Variants in SEZ6L observed in about 807,000 individuals in gnomAD.
The protein encoded by SEZ6L is seizure 6-like protein.
Under a neutral mutation model 106.2 loss-of-function variants are expected in SEZ6L, and 37 were observed. That is an observed-to-expected ratio of 0.35 (90% CI 0.27 to 0.46). SEZ6L has a LOEUF of 0.46. Among genes scored for constraint, SEZ6L ranks in the 20% least tolerant of loss-of-function variants. The pLI is 1.00. For synonymous variants in SEZ6L, 541 were observed against 570.4 expected (o/e 0.95, Z 0.73); for missense variants, 1,172 against 1,332.8 (o/e 0.88, Z 1.88).
rs550439953 is a variant in SEZ6L, at chr22:26,212,115, C to G, written c.94+42352C>G. ...CAAAGAGGATGGCAGATTTCAGAGG[C>G]CTGGGATGAGAGGGAACACGCAGAG... On this transcript the variant is annotated intron_variant, in intron 1 of 16. Coordinates refer to ENST00000248933, the MANE Select transcript of SEZ6L (RefSeq NM_021115.5). Among the ~76,000 whole-genome samples, 192 of 152,098 alleles carry G rather than the reference C, an allele frequency of 1.3e-3. 1 individual carries two copies. Among genetic ancestry groups the G allele is most frequent in the South Asian group, 2.1e-3 (10 of 4,804 alleles).
At chr22:26,275,671 C>A (rs183547833) in intron 1 of SEZ6L, among the ~76,000 whole-genome samples, 1 of 152,166 alleles carries the variant, frequency 6.6e-6, no homozygotes, top group African/African-American at 2.4e-5. Context: ...TGTAAAATGA[C>A]GGTGCTAGGC....
intron 1 of SEZ6L, among the ~76,000 whole-genome samples, chr22:26,285,744 C>A (rs2080915219): frequency 2.0e-5 from 3 of 152,212 alleles, no homozygotes; most frequent in Admixed American, 6.5e-5. Context: ...AAGTAACTGG[C>A]AGTACAGTTG....
intron 1 of SEZ6L, among the ~76,000 whole-genome samples, chr22:26,178,296 G>A (rs1273377519): frequency 6.6e-6 from 1 of 152,168 alleles, no homozygotes; most frequent in Non-Finnish European, 1.5e-5. Flanking sequence ...CATCTGGCTT[G>A]AGTCAAGCAA....
intron 1 of SEZ6L, among the ~76,000 whole-genome samples, chr22:26,268,826 G>T (rs1233932551): frequency 6.6e-6 from 1 of 152,220 alleles, no homozygotes; most frequent in Admixed American, 6.5e-5. Context: ...ATTACCGTCA[G>T]TTGAGAACCA....
intron 1 of SEZ6L, among the ~76,000 whole-genome samples, chr22:26,268,748 G>C (rs528213770): frequency 2.6e-5 from 4 of 152,284 alleles, no homozygotes; most frequent in African/African-American, 9.6e-5. Context: ...TATACCAGTA[G>C]TACCACTGCC....
intron 5 of SEZ6L, among the ~76,000 whole-genome samples, chr22:26,305,318 A>T (rs1048840443): frequency 6.6e-6 from 1 of 152,190 alleles, no homozygotes; most frequent in Admixed American, 6.5e-5. Flanking sequence ...TATTATAATT[A>T]TCCAGAACCG....
chr22:26,220,639 A>C (rs2145722950), intron 1 of SEZ6L, among the ~76,000 whole-genome samples: 1 of 152,214 alleles, frequency 6.6e-6, no homozygotes. Flanking sequence ...CATCCCTATG[A>C]TGTCACTATA....
rs577333158 is a variant in SEZ6L, at chr22:26,383,308, T to C, written c.*3013T>C. On this transcript the variant is annotated 3_prime_UTR_variant, in exon 17 of 17. Coordinates refer to ENST00000248933, the MANE Select transcript of SEZ6L (RefSeq NM_021115.5). ...ATAACAAGTAGTGATTTGGCAAATA[T>C]GTGGGTAGCTTTAGGCTGAGGCACG... 1.3e-5 allele frequency: 2 copies of C among 152,196 alleles called. No homozygotes were observed. The highest frequency in any genetic ancestry group is 4.8e-5 in the African/African-American group (2 of 41,552). 9.4% of individuals were successfully genotyped at this position (152,196 alleles called of 1,614,324 possible).
intron 15 of SEZ6L, among the ~76,000 whole-genome samples, chr22:26,377,229 T>G (rs2084259231): frequency 6.6e-6 from 1 of 152,172 alleles, no homozygotes; most frequent in South Asian, 2.1e-4. Context: ...TGAGCTGAGA[T>G]GGCACCACTG....
chr22:26,324,103 A>ACACACAAACACAC (rs1569463232), intron 9 of SEZ6L, among the ~76,000 whole-genome samples: 1 of 83,304 alleles, frequency 1.2e-5, no homozygotes, highest in Non-Finnish European at 2.4e-5. Context: ...CACACACACA[A>ACACACAAACACAC]ACACACACAC....
chr22:26,170,902 TGACTCGGAGTTGGGG>T (rs1027357723), intron 1 of SEZ6L, among the ~76,000 whole-genome samples: 58 of 152,352 alleles, frequency 3.8e-4, no homozygotes, highest in African/African-American at 1.3e-3. Context: ...TGCACCGTCT[TGACTCGGAGTTGGGG>T]GACAGGCGGT....
At chr22:26,171,888 A>G (rs560117686) in intron 1 of SEZ6L, among the ~76,000 whole-genome samples, 1 of 152,058 alleles carries the variant, frequency 6.6e-6, no homozygotes, top group Non-Finnish European at 1.5e-5. Context: ...GTAGAGCCCA[A>G]CATCCACTAA....
At chr22:26,177,235 G>A (rs1939076994) in intron 1 of SEZ6L, among the ~76,000 whole-genome samples, 1 of 152,068 alleles carries the variant, frequency 6.6e-6, no homozygotes, top group Admixed American at 6.6e-5. Flanking sequence ...CAACCTCATA[G>A]GATTGCTGTA....
chr22:26,330,367 A>C (rs548035290), intron 9 of SEZ6L, among the ~76,000 whole-genome samples: 93 of 152,332 alleles, frequency 6.1e-4, no homozygotes, highest in African/African-American at 2.0e-3. Context: ...TCCGAGGATA[A>C]GATGAAATGG....
At chr22:26,311,580 G>A (rs6005006) in intron 7 of SEZ6L, among the ~76,000 whole-genome samples, 188 bp from the exon 8 acceptor site, 6,482 of 152,234 alleles carry the variant, frequency 0.043, 450 homozygotes, top group African/African-American at 0.15. Context: ...TTTTTTAAAT[G>A]AGGTCCCAAG....
chr22:26,364,541 C>G (rs2083743091), intron 12 of SEZ6L, among the ~76,000 whole-genome samples: 1 of 152,054 alleles, frequency 6.6e-6, no homozygotes, highest in South Asian at 2.1e-4. Flanking sequence ...TGCAGTGAGC[C>G]GTGCTGCACC....
chr22:26,189,812 C>A (rs569525182), intron 1 of SEZ6L, among the ~76,000 whole-genome samples: 2 of 152,246 alleles, frequency 1.3e-5, no homozygotes, highest in Non-Finnish European at 2.9e-5. Flanking sequence ...CCATGAAAAA[C>A]TTCCACCAGG....
At chr22:26,217,643 C>T (rs2078337315) in intron 1 of SEZ6L, among the ~76,000 whole-genome samples, 1 of 152,224 alleles carries the variant, frequency 6.6e-6, no homozygotes, top group Non-Finnish European at 1.5e-5. Flanking sequence ...TGGCCATGAG[C>T]AAGTCCCCCA....
intron 1 of SEZ6L, among the ~76,000 whole-genome samples, chr22:26,213,780 G>A (rs908069077): frequency 1.3e-5 from 2 of 152,196 alleles, no homozygotes; most frequent in African/African-American, 4.8e-5. Context: ...AATTAGCTGG[G>A]TGTAGTGCCG....
Sources: gnomAD v4.1 joint callset for allele counts (sites outside exome capture counted in the v4.1 genomes callset) on GRCh38, gnomAD v4.1.1 for gene constraint, MANE v1.5 for transcripts, NCBI Gene and HGNC (gene_info 2026-07-23, HGNC 2026-07-21) for gene names.